The following NUDC variants were observed in gnomAD, a reference collection of about 807,000 sequenced individuals.
The protein encoded by NUDC is nuclear distribution C, dynein complex regulator.
A neutral mutation model predicts 45.0 loss-of-function variants in NUDC; 14 were observed. The ratio of observed to expected loss-of-function variants is 0.31; its 90% CI spans 0.21 to 0.49. The LOEUF (loss-of-function observed/expected upper bound fraction) is 0.49, where lower values mean the gene tolerates loss of function less well. Ranked by LOEUF, NUDC falls within the 20% of genes least tolerant of loss-of-function variation. NUDC has a pLI of 0.99. For synonymous variants in NUDC, 153 were observed against 156.7 expected (o/e 0.98, Z 0.17); for missense variants, 323 against 426.2 (o/e 0.76, Z 2.13).
upstream of NUDC, among the ~76,000 whole-genome samples, chr1:26,920,279 C>T (rs1309796402): frequency 1.3e-5 from 2 of 152,022 alleles, no homozygotes; most frequent in Non-Finnish European, 2.9e-5. Context: ...CACTTGAGGT[C>T]AGGAGTTTGA....
chr1:26,911,581 T>A lies in NUDC; in HGVS notation c.93+346T>A. On this transcript the variant is annotated intron_variant, in intron 3 of 6. Coordinates refer to the NUDC transcript ENST00000435827. ...CTGGTCCAATAAGCAGCCTAAGCTTTCATTCTCATCCCAAGAAGGGACAGG... is the reference window on the plus strand; with the variant it reads ...CTGGTCCAATAAGCAGCCTAAGCTTACATTCTCATCCCAAGAAGGGACAGG... The A allele has an allele frequency of 3.9e-6, 2 of 508,188 alleles. 1 individual carries two copies. The highest frequency in any genetic ancestry group is 7.2e-6 in the Non-Finnish European group (2 of 278,482). 31.5% of individuals were successfully genotyped at this position (508,188 alleles called of 1,614,324 possible).
intron 3 of NUDC, among the ~76,000 whole-genome samples, chr1:26,914,654 A>G (rs2082051619): frequency 6.6e-6 from 1 of 151,924 alleles, no homozygotes; most frequent in Non-Finnish European, 1.5e-5. Context: ...GCTGAGAAGA[A>G]CTCACAGAAT....
chr1:26,915,017 T>G lies in NUDC; in HGVS notation c.93+3782T>G, dbSNP rs12758117. Among the ~76,000 whole-genome samples the G allele has an allele frequency of 1.1e-3, 100 of 88,760 alleles. 1 individual carries two copies. Among genetic ancestry groups the G allele is most frequent in the East Asian group, 5.5e-3 (16 of 2,896 alleles). 58.2% of individuals were successfully genotyped at this position (88,760 alleles called of 152,430 possible). A position where few individuals can be genotyped will look rare whatever the true frequency, so the allele number is the denominator to read the frequency against. On this transcript the variant is annotated intron_variant, in intron 3 of 6. Coordinates refer to the NUDC transcript ENST00000435827. ...TGTATATGTATATGTATATGTATAT[T>G]TATATGTATATGTGTATATATATAT...
chr1:26,902,396 C>G (rs1051423331), intron 2 of NUDC: 4 of 152,308 alleles, frequency 2.6e-5, no homozygotes, highest in African/African-American at 9.6e-5. Context: ...ACTGTCCCAT[C>G]ATGCCACTCC....
chr1:26,919,185 G>C (rs1471893239), upstream of NUDC, among the ~76,000 whole-genome samples: 1 of 151,844 alleles, frequency 6.6e-6, no homozygotes, highest in Admixed American at 6.6e-5. Flanking sequence ...CCAGGCTCAA[G>C]TGATTCTCCC....
At chr1:26,943,712 A>G (rs1002988599) in intron 6 of NUDC, among the ~76,000 whole-genome samples, 1 of 152,198 alleles carries the variant, frequency 6.6e-6, no homozygotes, top group Non-Finnish European at 1.5e-5. Context: ...ATAGGAAAAT[A>G]TGTGCCCTCA....
intron 3 of NUDC, chr1:26,912,236 G>A (rs1450461677): frequency 1.2e-6 from 1 of 803,480 alleles, no homozygotes; most frequent in Non-Finnish European, 2.0e-6. Flanking sequence ...TCCTTTAGAG[G>A]AGGTAATTTA....
chr1:26,922,221 G>C (rs1019997079), intron 1 of NUDC: 11 of 516,914 alleles, frequency 2.1e-5, no homozygotes, highest in Non-Finnish European at 3.9e-5. Flanking sequence ...TTTGATGGCG[G>C]CTTCCAAGGA....
In NUDC at chr1:26,945,548, C is replaced by T. The variant is rs1274558232; in HGVS notation, c.826-20C>T. 5.0e-6 allele frequency: 8 copies of T among 1,612,160 alleles called. No homozygotes were observed. In the African/African-American group the frequency reaches 8.0e-5, roughly 16 times the overall value. The stretch of plus-strand genomic sequence containing the variant: ...GTTGTTTCCAGAGCTTCACCGATTC[C>T]TGTCACTGCCTGCCCTCAGCTGTCA... On this transcript the variant is annotated intron_variant, in intron 7 of 8. Transcript: ENST00000321265.
chr1:26,945,361 C>T (rs761315849), intron 6 of NUDC, 29 bp from the exon 7 acceptor site: 11 of 1,599,734 alleles, frequency 6.9e-6, no homozygotes, highest in Middle Eastern at 1.7e-4. Flanking sequence ...AGCAGGCCAC[C>T]TCCCACCCTC....
chr1:26,927,556 C>A (rs1490751188), intron 2 of NUDC, among the ~76,000 whole-genome samples: 1 of 151,968 alleles, frequency 6.6e-6, no homozygotes, highest in East Asian at 1.9e-4. Context: ...CGCCCCTATG[C>A]CTGGCTAATT....
intron 3 of NUDC, chr1:26,912,180 C>A: frequency 2.7e-6 from 4 of 1,482,438 alleles, no homozygotes; most frequent in East Asian, 4.8e-5. Context: ...TCAGAGACAC[C>A]CCTCTGCCTC....
At chr1:26,936,245 G>A (rs1267081002) in intron 2 of NUDC, among the ~76,000 whole-genome samples, 9 of 108,598 alleles carry the variant, frequency 8.3e-5, no homozygotes, top group African/African-American at 2.6e-4. Flanking sequence ...GCTGGAGTAC[G>A]GTGTCCTGAT....
chr1:26,906,999 C>T (rs1010543632), intron 2 of NUDC, among the ~76,000 whole-genome samples: 2 of 152,080 alleles, frequency 1.3e-5, no homozygotes, highest in Admixed American at 6.6e-5. Flanking sequence ...ACTCTGACTC[C>T]CCTGAGATCT....
intron 3 of NUDC, chr1:26,911,582 C>A (rs1181270451): frequency 1.2e-5 from 6 of 509,648 alleles, no homozygotes; most frequent in Non-Finnish European, 2.1e-5. Context: ...CCTAAGCTTT[C>A]ATTCTCATCC....
upstream of NUDC, among the ~76,000 whole-genome samples, chr1:26,918,506 C>A (rs1237437914): frequency 5.3e-5 from 8 of 151,790 alleles, no homozygotes; most frequent in East Asian, 1.5e-3. Flanking sequence ...GAACTCCTGA[C>A]CTCATGATCT....
chr1:26,919,079 C>CTTT (rs71010304), upstream of NUDC, among the ~76,000 whole-genome samples: 1 of 147,338 alleles, frequency 6.8e-6, no homozygotes. Context: ...CATCCAGCTA[C>CTTT]TTTTTTTTTT....
chr1:26,916,402 A>G (rs2082062023), intron 3 of NUDC, among the ~76,000 whole-genome samples: 1 of 151,942 alleles, frequency 6.6e-6, no homozygotes. Flanking sequence ...AAAAAACGAA[A>G]AAACCCCACA....
At chr1:26,940,041 CTGGAG>C (rs2082264328) in intron 2 of NUDC, among the ~76,000 whole-genome samples, 2 of 152,274 alleles carry the variant, frequency 1.3e-5, no homozygotes, top group African/African-American at 4.8e-5. Flanking sequence ...CTAGCACATC[CTGGAG>C]TGGAAACCTC....
Sources: allele counts gnomAD v4.1 joint callset (sites outside exome capture counted in the v4.1 genomes callset), GRCh38; gene constraint gnomAD v4.1.1; transcripts MANE v1.5; gene names NCBI Gene and HGNC (gene_info 2026-07-23, HGNC 2026-07-21).